CDH8: variants seen among roughly 807,000 people sequenced by gnomAD.
CDH8 encodes the protein cadherin-8.
CDH8 carries 17 observed loss-of-function variants against 68.1 expected under a neutral mutation model. That is an observed-to-expected ratio of 0.25 (90% CI 0.17 to 0.37). The LOEUF (loss-of-function observed/expected upper bound fraction) is 0.37, where lower values mean the gene tolerates loss of function less well. Among genes scored for constraint, CDH8 ranks in the 10% least tolerant of loss-of-function variants. CDH8 has a pLI of 1.00. For synonymous variants in CDH8, 372 were observed against 365.1 expected, an observed-to-expected ratio of 1.02 and a Z score of -0.21; for missense variants, 763 against 999.3, an observed-to-expected ratio of 0.76 and a Z score of 3.19.
At chr16:61,835,062 CAACA>C (rs1030961481) in intron 4 of CDH8, among the ~76,000 whole-genome samples, 6 of 151,958 alleles carry the variant, frequency 3.9e-5, no homozygotes, top group South Asian at 2.1e-4. Context: ...GATATTTGTC[CAACA>C]ATCACCTTCT....
intron 10 of CDH8, among the ~76,000 whole-genome samples, chr16:61,662,324 A>G (rs1326756136): frequency 6.6e-6 from 1 of 151,584 alleles, no homozygotes; most frequent in Non-Finnish European, 1.5e-5. Context: ...GCTTCCGCTT[A>G]TTGTTTTTAT....
At chr16:61,764,982 T>C (rs1317620613) in intron 8 of CDH8, among the ~76,000 whole-genome samples, 1 of 152,014 alleles carries the variant, frequency 6.6e-6, no homozygotes, top group African/African-American at 2.4e-5. Flanking sequence ...ATCCCTGCCC[T>C]TTACATACCT....
Position 61,653,394 on chromosome 16 carries a change from C to T in CDH8, c.*214G>A, listed in dbSNP as rs547718701. 4.3e-4 allele frequency: 579 copies of T among 1,357,168 alleles called. 3 individuals are homozygous for T. The South Asian group carries it at 5.4e-3, about 13-fold the overall frequency. The allele number at this position is 1,357,168 out of a possible 1,614,324, so 84.1% of individuals were successfully genotyped here. A position where few individuals can be genotyped will look rare whatever the true frequency, so the allele number is the denominator to read the frequency against. ...CAAGGACTTCTAGACACTCCACATA[C>T]TTAATTCACACTCCACAAGATTTAT... On this transcript the variant is annotated 3_prime_UTR_variant, in exon 12 of 12. Coordinates refer to ENST00000577390, the MANE Select transcript of CDH8 (RefSeq NM_001796.5).
chr16:61,695,545 A>C (rs140205225), intron 10 of CDH8, among the ~76,000 whole-genome samples: 1 of 152,266 alleles, frequency 6.6e-6, no homozygotes, highest in African/African-American at 2.4e-5. Context: ...CCTGAGCACC[A>C]TAGGATGTTT....
At chr16:61,867,517 A>G (rs1370190123) in intron 3 of CDH8, among the ~76,000 whole-genome samples, 2 of 152,168 alleles carry the variant, frequency 1.3e-5, no homozygotes. Context: ...TGATATTGAA[A>G]TCAGGCAGAA....
intron 2 of CDH8, among the ~76,000 whole-genome samples, chr16:61,970,378 A>C (rs2150576347): frequency 6.6e-6 from 1 of 152,354 alleles, no homozygotes; most frequent in Non-Finnish European, 1.5e-5. Flanking sequence ...TCTGTTCATA[A>C]GTAGAAGTTA....
chr16:61,898,119 G>T (rs1203826025), intron 3 of CDH8, among the ~76,000 whole-genome samples: 1 of 152,204 alleles, frequency 6.6e-6, no homozygotes, highest in East Asian at 1.9e-4. Context: ...GACCAACGTG[G>T]TAAAACCACG....
chr16:62,032,569 A>G (rs557815249), intron 1 of CDH8, among the ~76,000 whole-genome samples: 7 of 152,270 alleles, frequency 4.6e-5, no homozygotes, highest in African/African-American at 1.7e-4. Context: ...ACAAATATAA[A>G]ATGACTGAAA....
intron 2 of CDH8, among the ~76,000 whole-genome samples, chr16:61,969,384 G>A (rs536271798): frequency 2.6e-5 from 4 of 152,274 alleles, no homozygotes; most frequent in South Asian, 4.1e-4. Flanking sequence ...TTCTTGGCAC[G>A]TAGCTGGTTT....
chr16:61,930,270 AACACACACACAC>A lies in CDH8; in HGVS notation c.253-28809_253-28798del, dbSNP rs369686237. ...TTGTTTAAATTAACTAAAGTTAGAA[AACACACACACAC>A]ACACACACACACACACACACACACC... On this transcript the variant is annotated intron_variant, in intron 2 of 11. Coordinates refer to ENST00000577390, the MANE Select transcript of CDH8 (RefSeq NM_001796.5). Among the ~76,000 whole-genome samples, 28 of 144,356 alleles carry A rather than the reference AACACACACACAC, an allele frequency of 1.9e-4. No individual in the cohort carries two copies. The East Asian group carries it at 3.1e-3, about 16-fold the overall frequency. 94.7% of individuals were successfully genotyped at this position (144,356 alleles called of 152,430 possible). A position where few individuals can be genotyped will look rare whatever the true frequency, so the allele number is the denominator to read the frequency against.
intron 10 of CDH8, among the ~76,000 whole-genome samples, chr16:61,675,048 A>G (rs1001282800): frequency 6.6e-6 from 1 of 152,104 alleles, no homozygotes; most frequent in Non-Finnish European, 1.5e-5. Flanking sequence ...TAAATAAAGA[A>G]TGAATAAAAT....
chr16:61,929,818 A>G (rs558427698), intron 2 of CDH8, among the ~76,000 whole-genome samples: 53 of 152,240 alleles, frequency 3.5e-4, no homozygotes, highest in African/African-American at 1.2e-3. Context: ...TGAGCCCAGG[A>G]GTTAGAGGCT....
At position 61,654,121 on chromosome 16, in the gene CDH8, T is replaced by C. The variant is rs755251077; in HGVS notation, c.1907-20A>G. ...CGATGACTAGAGGAAAAATATTAAATAACAGTCAGCCAAACAAGCATATAA... is the reference window on the plus strand; with the variant it reads ...CGATGACTAGAGGAAAAATATTAAACAACAGTCAGCCAAACAAGCATATAA... On this transcript the variant is annotated intron_variant, in intron 11 of 11. Coordinates refer to ENST00000577390, the MANE Select transcript of CDH8 (RefSeq NM_001796.5). The C allele has an allele frequency of 3.8e-6, 6 of 1,597,716 alleles. No individual in the cohort carries two copies. Among genetic ancestry groups the C allele is most frequent in the East Asian group, 2.2e-5 (1 of 44,770 alleles).
At chr16:62,001,569 A>G (rs1965894729) in intron 2 of CDH8, among the ~76,000 whole-genome samples, 1 of 152,214 alleles carries the variant, frequency 6.6e-6, no homozygotes, top group South Asian at 2.1e-4. Flanking sequence ...TGATTTACAT[A>G]GCGATCTTCT....
chr16:61,894,478 T>C (rs567831442), intron 3 of CDH8, among the ~76,000 whole-genome samples: 9 of 152,280 alleles, frequency 5.9e-5, no homozygotes, highest in African/African-American at 1.9e-4. Flanking sequence ...TTTTGATGAT[T>C]GTATTTTGTT....
chr16:61,916,679 A>G (rs550702987), intron 2 of CDH8, among the ~76,000 whole-genome samples: 1 of 152,314 alleles, frequency 6.6e-6, no homozygotes, highest in African/African-American at 2.4e-5. Flanking sequence ...CTACTAACAC[A>G]GATACTAATA....
chr16:62,002,233 G>A (rs1965904973), intron 2 of CDH8, among the ~76,000 whole-genome samples: 1 of 152,084 alleles, frequency 6.6e-6, no homozygotes, highest in Non-Finnish European at 1.5e-5. Context: ...TGCAATATTA[G>A]TTTCTAAACT....
chr16:61,905,671 G>T (rs981533204), intron 2 of CDH8, among the ~76,000 whole-genome samples: 1 of 152,042 alleles, frequency 6.6e-6, no homozygotes, highest in African/African-American at 2.4e-5. Context: ...TCAAATGTAT[G>T]CTGTAAGAGC....
chr16:61,853,566 T>C (rs1962983222), intron 4 of CDH8, among the ~76,000 whole-genome samples: 1 of 152,110 alleles, frequency 6.6e-6, no homozygotes. Flanking sequence ...TGAAGGTTGG[T>C]CCCACATATG....
Sources: gnomAD v4.1 joint callset for allele counts (sites outside exome capture counted in the v4.1 genomes callset) on GRCh38, gnomAD v4.1.1 for gene constraint, MANE v1.5 for transcripts, NCBI Gene and HGNC (gene_info 2026-07-23, HGNC 2026-07-21) for gene names.